Variants in BOC observed in about 807,000 individuals in gnomAD.
BOC encodes the protein BOC cell adhesion associated, oncogene regulated, also known as brother of CDO.
In BOC, 76 loss-of-function variants were observed where a neutral mutation model predicts 112.0. That is an observed-to-expected ratio of 0.68 (90% CI 0.56 to 0.82). The LOEUF (loss-of-function observed/expected upper bound fraction) is 0.82. BOC is among the 40% of genes least tolerant of loss of function. The pLI is 0.00. For missense variants in BOC, 1,309 were observed against 1,511.7 expected, an observed-to-expected ratio of 0.87 and a Z score of 2.22; for synonymous variants, 580 against 599.8, an observed-to-expected ratio of 0.97 and a Z score of 0.48.
Position 113,278,294 on chromosome 3 carries a change from G to C in BOC, c.1705+37G>C. 6.2e-7 allele frequency: 1 copy of C among 1,608,784 alleles called. No homozygotes were observed. The highest frequency in any genetic ancestry group is 1.1e-5 in the South Asian group (1 of 90,546). On this transcript the variant is annotated intron_variant, in intron 10 of 19. Coordinates refer to ENST00000682979, the MANE Select transcript of BOC (RefSeq NM_001378074.1). The surrounding 1 kb of genome is among the most constrained non-coding windows in gnomAD (Gnocchi z 4.2). ...ACATTGCCCCTTGCTTAGGGTTTCC[G>C]TGGGTCTAAGCAAGTTCCACTGGCC...
chr3:113,286,965 C>A lies in BOC; in HGVS notation c.*103C>A. 1.8e-6 allele frequency: 2 copies of A among 1,139,968 alleles called. No homozygotes were observed. Among genetic ancestry groups the A allele is most frequent in the Non-Finnish European group, 2.5e-6 (2 of 806,330 alleles). 70.6% of individuals were successfully genotyped at this position (1,139,968 alleles called of 1,614,324 possible). On this transcript the variant is annotated 3_prime_UTR_variant, in exon 20 of 20. Coordinates refer to ENST00000682979, the MANE Select transcript of BOC (RefSeq NM_001378074.1). ...ATTGGTATTTATTTTTCTATTATAG[C>A]CATATTTATATATTTATGCACTTGT... is the stretch of plus-strand genomic sequence containing the variant.
chr3:113,218,293 G>A (rs2107594644), intron 2 of BOC, among the ~76,000 whole-genome samples: 1 of 152,326 alleles, frequency 6.6e-6, no homozygotes, highest in East Asian at 1.9e-4. Context: ...CCAGCCAAGT[G>A]CCTTTACTAG....
intron 4 of BOC, among the ~76,000 whole-genome samples, chr3:113,264,816 G>A (rs1335450664): frequency 2.6e-5 from 4 of 152,314 alleles, no homozygotes; most frequent in Non-Finnish European, 4.4e-5. Context: ...TAGGAGGCAC[G>A]GGGGGAGGGG....
chr3:113,260,730 AC>A lies in BOC; in HGVS notation c.377-7568del, dbSNP rs1398846023. Among the ~76,000 whole-genome samples the A allele has an allele frequency of 5.3e-4, 63 of 118,904 alleles. 1 individual carries two copies. The highest frequency in any genetic ancestry group is 2.9e-4 in the Non-Finnish European group (14 of 48,274). The allele number at this position is 118,904 out of a possible 152,430, so 78.0% of individuals were successfully genotyped here. ...AACAGAACAGAACAGAAAGAACAGAACAGAACAGAACAGAACAGAACAGGTT... is the reference window on the plus strand; with the variant it reads ...AACAGAACAGAACAGAAAGAACAGAAAGAACAGAACAGAACAGAACAGGTT... On this transcript the variant is annotated intron_variant, in intron 4 of 19. Transcript: ENST00000682979.
Position 113,286,923 on chromosome 3 carries a change from A to C in BOC, c.*61A>C, listed in dbSNP as rs1296045111. On this transcript the variant is annotated 3_prime_UTR_variant, in exon 20 of 20. Transcript: ENST00000682979. ...TTTTTTTTTAAAAAAAAAAAGAAGA[A>C]AAAAGAGACAGAGAAAATTGGTATT... The C allele has an allele frequency of 6.2e-5, 87 of 1,412,904 alleles. No homozygotes were observed. Among genetic ancestry groups the C allele is most frequent in the Non-Finnish European group, 8.2e-5 (86 of 1,048,738 alleles). 87.5% of individuals were successfully genotyped at this position (1,412,904 alleles called of 1,614,324 possible). A position where few individuals can be genotyped will look rare whatever the true frequency, so the allele number is the denominator to read the frequency against.
intron 2 of BOC, among the ~76,000 whole-genome samples, chr3:113,245,338 A>G (rs1944782601): frequency 6.6e-6 from 1 of 152,082 alleles, no homozygotes; most frequent in South Asian, 2.1e-4. Flanking sequence ...CTACAACCTC[A>G]AATTCCTGGG....
intron 15 of BOC, among the ~76,000 whole-genome samples, chr3:113,281,452 G>A (rs1949192677): frequency 6.6e-6 from 1 of 152,132 alleles, no homozygotes; most frequent in Non-Finnish European, 1.5e-5. Flanking sequence ...ATGATATTTG[G>A]TGCTTACATG....
intron 2 of BOC, among the ~76,000 whole-genome samples, chr3:113,232,562 AGTGT>A (rs10696107): frequency 0.036 from 5,364 of 149,392 alleles, 297 homozygotes; most frequent in African/African-American, 0.12. Context: ...TTGCTGTGCG[AGTGT>A]GTGTGTGTGT....
At chr3:113,281,243 C>T (rs967265203) in intron 15 of BOC, 90 bp downstream of exon 15, 4 of 1,466,148 alleles carry the variant, frequency 2.7e-6, no homozygotes, top group East Asian at 2.3e-5. Flanking sequence ...GGTGCTGGGC[C>T]TCTTTCCCAG....
chr3:113,276,199 A>T (rs575695060), intron 9 of BOC, among the ~76,000 whole-genome samples: 102 of 152,330 alleles, frequency 6.7e-4, no homozygotes, highest in African/African-American at 2.4e-3. Flanking sequence ...AGCAAGACTA[A>T]TATTTTTCAG....
chr3:113,285,383 C>A lies in BOC; in HGVS notation c.2978C>A (p.Ser993Tyr). ...CTTGTGCACTGCAGGGGTCCCAAGT[C>A]TAGCCCGGACGAGGGCTCTTTCTTA... ...QSHQITRGPK[S>Y]SPDEGSFLYT... Residue 993 changes from serine (S) to tyrosine (Y), a missense_variant, in exon 19 of 20, where the codon TCT (serine) becomes TAT (tyrosine). Coordinates refer to ENST00000682979, the MANE Select transcript of BOC (RefSeq NM_001378074.1). The A allele has an allele frequency of 6.2e-7, 1 of 1,612,988 alleles. No homozygotes were observed. Among genetic ancestry groups the A allele is most frequent in the Non-Finnish European group, 8.5e-7 (1 of 1,179,872 alleles).
At chr3:113,249,600 G>C (rs530856100) in intron 2 of BOC, 122 bp from the exon 3 acceptor site, 1 of 493,862 alleles carries the variant, frequency 2.0e-6, no homozygotes, top group South Asian at 3.1e-5. Flanking sequence ...CAGCATGACC[G>C]GGTCTCTAGT....
At chr3:113,253,560 A>G (rs1470767179) in intron 4 of BOC, among the ~76,000 whole-genome samples, 1 of 151,460 alleles carries the variant, frequency 6.6e-6, no homozygotes, top group Non-Finnish European at 1.5e-5. Context: ...CCCTGTCTCC[A>G]AAAAACAAAT....
intron 17 of BOC, 49 bp from the exon 18 acceptor site, chr3:113,284,733 T>G: frequency 6.3e-7 from 1 of 1,578,796 alleles, no homozygotes; most frequent in Non-Finnish European, 8.7e-7. Flanking sequence ...ACTGGAAAGT[T>G]ACCTGGACTC....
chr3:113,229,106 G>C (rs952362551), intron 2 of BOC, among the ~76,000 whole-genome samples: 1 of 152,190 alleles, frequency 6.6e-6, no homozygotes, highest in African/African-American at 2.4e-5. Flanking sequence ...CTGCAGCTCT[G>C]AGGTGGGGTA....
chr3:113,249,860 T>G lies in BOC; in HGVS notation c.58T>G (p.Cys20Gly). The G allele has an allele frequency of 6.2e-7, 1 of 1,613,632 alleles. No individual in the cohort carries two copies. The highest frequency in any genetic ancestry group is 8.5e-7 in the Non-Finnish European group (1 of 1,179,890). ...AATGAGGCCTGAGGTCACACTGGCT[T>G]GCCTCCTCCTAGCCACAGCAGGCTG... Reference protein sequence around the residue: ...RGMRPEVTLACLLLATAGCFA... With the variant: ...RGMRPEVTLAGLLLATAGCFA... The change falls in exon 3 of 20, where the codon TGC becomes GGC. Residue 20 changes from cysteine to glycine, a missense_variant. By Grantham distance (159) the Cys-to-Gly change is radical (BLOSUM62 -3). Coordinates refer to ENST00000682979, the MANE Select transcript of BOC (RefSeq NM_001378074.1).
chr3:113,286,785 G>A lies in BOC; in HGVS notation c.3271G>A (p.Gly1091Arg). 6.2e-7 allele frequency: 1 copy of A among 1,613,524 alleles called. No homozygotes were observed. Among genetic ancestry groups the A allele is most frequent in the Non-Finnish European group, 8.5e-7 (1 of 1,179,682 alleles). The change falls in exon 20 of 20, where the codon GGA (glycine) becomes AGA (arginine). Residue 1091 changes from glycine (G) to arginine (R), a missense_variant. Gly to Arg is a moderately radical substitution (Grantham distance 125, BLOSUM62 -2). Transcript: ENST00000682979. ...CCAGCACCCCGTAGGGGCCTACGTA[G>A]GACAGGAACCTGGAATGCAGCTCTC... ...CPQHPVGAYVGQEPGMQLSPG... is the reference protein window; with the variant it reads ...CPQHPVGAYVRQEPGMQLSPG...
rs761981675 is a variant in BOC, at chr3:113,278,814, AGT to A, written c.1816+32_1816+33del. 1.9e-6 allele frequency: 3 copies of A among 1,540,668 alleles called. No individual in the cohort carries two copies. The highest frequency in any genetic ancestry group is 2.7e-5 in the African/African-American group (2 of 72,788). ...CCGCTAGCAGCAGGGACGGACGCGC[AGT>A]CAGGACTGGAACTGCCTCAGAGGCC... On this transcript the variant is annotated intron_variant, in intron 11 of 19. Coordinates refer to ENST00000682979, the MANE Select transcript of BOC (RefSeq NM_001378074.1). This position sits in a 1 kb window ranked among gnomAD's most constrained non-coding sequence, Gnocchi z 4.2.
In BOC at chr3:113,286,893, ATTGT is replaced by A; in HGVS notation, c.*34_*37del. 2 of 1,470,796 alleles carry A rather than the reference ATTGT, an allele frequency of 1.4e-6. No homozygotes were observed. Among genetic ancestry groups the A allele is most frequent in the Non-Finnish European group, 1.8e-6 (2 of 1,104,156 alleles). The allele number at this position is 1,470,796 out of a possible 1,614,324, so 91.1% of individuals were successfully genotyped here. A position where few individuals can be genotyped will look rare whatever the true frequency, so the allele number is the denominator to read the frequency against. On this transcript the variant is annotated 3_prime_UTR_variant, in exon 20 of 20. Coordinates refer to ENST00000682979, the MANE Select transcript of BOC (RefSeq NM_001378074.1). ...AGCTGATATCCCAGAAAGACTATAT[ATTGT>A]TTTTTTTTTAAAAAAAAAAAGAAGA...
Sources: gnomAD v4.1 joint callset for allele counts (sites outside exome capture counted in the v4.1 genomes callset) on GRCh38, gnomAD v4.1.1 for gene constraint, Gnocchi (gnomAD v3.1) non-coding constraint, MANE v1.5 for transcripts, NCBI Gene and HGNC (gene_info 2026-07-23, HGNC 2026-07-21) for gene names.